PANX1: variants seen among roughly 807,000 people sequenced by gnomAD.
The protein encoded by PANX1 is pannexin 1.
In PANX1, 30 loss-of-function variants were observed where a neutral mutation model predicts 38.7. The ratio of observed to expected loss-of-function variants is 0.78; its 90% CI spans 0.58 to 1.05. The LOEUF is 1.05. Ranked by LOEUF, PANX1 falls within the 50% of genes least tolerant of loss-of-function variation. PANX1 has a pLI of 0.00. For synonymous variants in PANX1, 230 were observed against 212.2 expected, an observed-to-expected ratio of 1.08 and a Z score of -0.73; for missense variants, 551 against 517.2, an observed-to-expected ratio of 1.07 and a Z score of -0.63.
chr11:94,159,540 A>G (rs1310647691), intron 2 of PANX1, among the ~76,000 whole-genome samples: 2 of 152,002 alleles, frequency 1.3e-5, no homozygotes, highest in African/African-American at 2.4e-5. Flanking sequence ...GTATTCTCAG[A>G]TGGTAGTTTG....
chr11:94,153,221 G>A (rs1316166060), intron 1 of PANX1, among the ~76,000 whole-genome samples: 1 of 151,930 alleles, frequency 6.6e-6, no homozygotes, highest in Non-Finnish European at 1.5e-5. Context: ...TTCTTTTCCT[G>A]CTTCCTTTTT....
intron 1 of PANX1, among the ~76,000 whole-genome samples, chr11:94,136,429 T>G (rs1946691139): frequency 6.6e-6 from 1 of 152,262 alleles, no homozygotes; most frequent in Admixed American, 6.5e-5. Context: ...ATTACTTGCA[T>G]ACTTATCTGT....
At chr11:94,146,748 G>C (rs1015340259) in intron 1 of PANX1, among the ~76,000 whole-genome samples, 6 of 152,234 alleles carry the variant, frequency 3.9e-5, no homozygotes, top group Non-Finnish European at 5.9e-5. Context: ...GAGAAAGACA[G>C]AGAAAGTTCC....
intron 4 of PANX1, 37 bp from the exon 5 acceptor site, chr11:94,180,753 T>TGAAA (rs1325972461): frequency 1.8e-6 from 2 of 1,127,482 alleles, no homozygotes; most frequent in Non-Finnish European, 1.4e-6. Flanking sequence ...ATTCCTGCTA[T>TGAAA]GTTTCTGTCA....
intron 2 of PANX1, among the ~76,000 whole-genome samples, chr11:94,159,350 T>C (rs1350050435): frequency 6.6e-6 from 1 of 152,214 alleles, no homozygotes. Context: ...CTTGTACCTC[T>C]GGTAGAATTC....
chr11:94,152,006 A>G (rs1389385117), intron 1 of PANX1, among the ~76,000 whole-genome samples: 1 of 151,734 alleles, frequency 6.6e-6, no homozygotes. Context: ...CTCTTGTACC[A>G]TAAGCATAAA....
chr11:94,174,902 T>C (rs958759358), intron 2 of PANX1, among the ~76,000 whole-genome samples: 7 of 151,748 alleles, frequency 4.6e-5, no homozygotes, highest in Non-Finnish European at 8.8e-5. Context: ...TATAACCCAT[T>C]CCAGAAACAG....
chr11:94,168,552 CTT>C (rs1947128563), intron 2 of PANX1, among the ~76,000 whole-genome samples: 1 of 151,176 alleles, frequency 6.6e-6, no homozygotes, highest in African/African-American at 2.4e-5. Flanking sequence ...AAGCAATACT[CTT>C]ATGTCTTATT....
intron 2 of PANX1, among the ~76,000 whole-genome samples, chr11:94,156,882 C>A (rs1946954803): frequency 1.3e-5 from 2 of 151,934 alleles, no homozygotes; most frequent in Admixed American, 1.3e-4. Flanking sequence ...CCCACTCCCC[C>A]CACCCAAAAA....
chr11:94,142,191 A>G (rs1946770050), intron 1 of PANX1, among the ~76,000 whole-genome samples: 1 of 152,090 alleles, frequency 6.6e-6, no homozygotes, highest in African/African-American at 2.4e-5. Context: ...CTGCTGCCCT[A>G]GGATTATCTT....
chr11:94,162,977 G>A (rs1474188959), intron 2 of PANX1, among the ~76,000 whole-genome samples: 1 of 147,714 alleles, frequency 6.8e-6, no homozygotes, highest in African/African-American at 2.5e-5. Flanking sequence ...GTGTAAGGCA[G>A]TCCTCCTGCC....
intron 1 of PANX1, among the ~76,000 whole-genome samples, chr11:94,134,429 C>T (rs1432871965): frequency 1.3e-5 from 2 of 152,156 alleles, no homozygotes; most frequent in East Asian, 3.9e-4. Context: ...AAGTATTTCT[C>T]TAAAGTTATG....
chr11:94,174,237 A>G (rs781706071), intron 2 of PANX1, among the ~76,000 whole-genome samples: 1 of 151,488 alleles, frequency 6.6e-6, no homozygotes, highest in Non-Finnish European at 1.5e-5. Context: ...CCAGGTGGTC[A>G]TTAGTTAGGG....
intron 3 of PANX1, among the ~76,000 whole-genome samples, chr11:94,178,868 G>GT (rs1205272334): frequency 6.6e-6 from 1 of 152,142 alleles, no homozygotes; most frequent in Non-Finnish European, 1.5e-5. Flanking sequence ...TGCAGTTCTT[G>GT]TAGGGGTAAC....
At chr11:94,139,615 G>A (rs962729744) in intron 1 of PANX1, among the ~76,000 whole-genome samples, 2 of 152,240 alleles carry the variant, frequency 1.3e-5, no homozygotes, top group Non-Finnish European at 2.9e-5. Context: ...TTAGAGGGTT[G>A]AGACTCTCAG....
intron 2 of PANX1, among the ~76,000 whole-genome samples, chr11:94,174,751 A>T (rs1416397764): frequency 6.6e-6 from 1 of 151,636 alleles, no homozygotes; most frequent in African/African-American, 2.4e-5. Flanking sequence ...ATGAGGTCAC[A>T]TGCATTTTAG....
At position 94,146,319 on chromosome 11, in the gene PANX1, A is replaced by G. The variant is rs577597721; in HGVS notation, c.182-7172A>G. Among the ~76,000 whole-genome samples the G allele has an allele frequency of 2.9e-4, 43 of 148,058 alleles. No homozygotes were observed. In the South Asian group the frequency reaches 9.4e-3, roughly 33 times the overall value. On this transcript the variant is annotated intron_variant, in intron 1 of 4. Coordinates refer to ENST00000227638, the MANE Select transcript of PANX1 (RefSeq NM_015368.4). The stretch of plus-strand genomic sequence containing the variant: ...CTTCTTAATCCATTGCAACTAATAC[A>G]TGTAGAAGGAGCAAATCAAGTTGGA...
At chr11:94,177,565 C>T (rs1947248426) in intron 2 of PANX1, among the ~76,000 whole-genome samples, 2 of 152,206 alleles carry the variant, frequency 1.3e-5, no homozygotes, top group South Asian at 2.1e-4. Flanking sequence ...GCACTGACTG[C>T]AATTTACGGT....
rs536838104 is a variant in PANX1 at position 94,153,567 on chromosome 11, G to A, written c.258G>A (p.Ala86=). The A allele has an allele frequency of 7.7e-5, 125 of 1,613,850 alleles. No individual in the cohort carries two copies. The highest frequency in any genetic ancestry group is 3.3e-4 in the Middle Eastern group (2 of 6,080). ...QAAFVDSYCW[A]AVQQKNSLQS... is the part of the protein sequence containing the mutation. ...CCTTTGTGGATTCATATTGCTGGGC[G>A]GCTGTTCAGCAGAAGAACTCACTGC... The change falls in exon 2 of 5, where the codon GCG becomes GCA. Residue 86 remains alanine (A), a synonymous_variant. Transcript: ENST00000227638.
Sources: gnomAD v4.1 joint callset for allele counts (sites outside exome capture counted in the v4.1 genomes callset) on GRCh38, gnomAD v4.1.1 for gene constraint, MANE v1.5 for transcripts, NCBI Gene and HGNC (gene_info 2026-07-23, HGNC 2026-07-21) for gene names.